The following GALNT17 variants were observed in gnomAD, a reference collection of about 807,000 sequenced individuals.
GALNT17 encodes polypeptide N-acetylgalactosaminyltransferase 17.
In GALNT17, 29 loss-of-function variants were observed where a neutral mutation model predicts 63.7. The observed-to-expected ratio is 0.46, with a 90% CI of 0.34 to 0.62. GALNT17 has a LOEUF of 0.62. Among genes scored for constraint, GALNT17 ranks in the 20% least tolerant of loss-of-function variants. GALNT17 has a pLI of 0.01. For synonymous variants in GALNT17, 305 were observed against 318.3 expected, an observed-to-expected ratio of 0.96 and a Z score of 0.45; for missense variants, 603 against 799.6, an observed-to-expected ratio of 0.75 and a Z score of 2.97.
chr7:71,392,557 A>G (rs907306897), intron 3 of GALNT17, among the ~76,000 whole-genome samples: 1 of 152,108 alleles, frequency 6.6e-6, no homozygotes, highest in East Asian at 1.9e-4. Flanking sequence ...TTGTGTGGGG[A>G]GCACACTTTG....
chr7:71,683,937 A>G (rs1338899407), intron 9 of GALNT17, among the ~76,000 whole-genome samples: 1 of 145,660 alleles, frequency 6.9e-6, no homozygotes, highest in Admixed American at 7.2e-5. Context: ...TGAACTCAGG[A>G]GGCGGAGGTT....
intron 9 of GALNT17, among the ~76,000 whole-genome samples, chr7:71,689,871 C>CT (rs1791415267): frequency 6.6e-6 from 1 of 152,144 alleles, no homozygotes; most frequent in African/African-American, 2.4e-5. Context: ...CAGCTGGTGA[C>CT]TTTAAGTTGA....
Position 71,659,695 on chromosome 7 carries a change from A to C in GALNT17, c.1081-5716A>C, listed in dbSNP as rs549881764. ...ATTCAAGGAGAGGGGAAATAGGTTCAGCCTTTTTATAGGAAGAGCAAATAA... is the reference window on the plus strand; with the variant it reads ...ATTCAAGGAGAGGGGAAATAGGTTCCGCCTTTTTATAGGAAGAGCAAATAA... On this transcript the variant is annotated intron_variant, in intron 6 of 10. Coordinates refer to ENST00000333538, the MANE Select transcript of GALNT17 (RefSeq NM_022479.3). Among the ~76,000 whole-genome samples, 6 of 152,356 alleles carry C rather than the reference A, an allele frequency of 3.9e-5. No homozygotes were observed. The South Asian group carries it at 1.2e-3, about 32-fold the overall frequency.
At chr7:71,483,286 C>T (rs1414229055) in intron 5 of GALNT17, among the ~76,000 whole-genome samples, 2 of 152,116 alleles carry the variant, frequency 1.3e-5, no homozygotes, top group African/African-American at 4.8e-5. Context: ...GCCTGGGCAG[C>T]GTGGCCAAAC....
intron 2 of GALNT17, among the ~76,000 whole-genome samples, chr7:71,377,909 C>A (rs1398879428): frequency 6.6e-6 from 1 of 152,170 alleles, no homozygotes; most frequent in African/African-American, 2.4e-5. Context: ...TTTCCTGAGG[C>A]CTTCCAAGCC....
chr7:71,469,766 A>C (rs1442368110), intron 5 of GALNT17, among the ~76,000 whole-genome samples: 1 of 152,234 alleles, frequency 6.6e-6, no homozygotes, highest in African/African-American at 2.4e-5. Flanking sequence ...CTTTAGGCTA[A>C]ACTTAATTGA....
chr7:71,232,665 T>C (rs1789814006), intron 1 of GALNT17, among the ~76,000 whole-genome samples: 3 of 152,190 alleles, frequency 2.0e-5, no homozygotes, highest in Admixed American at 2.0e-4. Context: ...TGACTGCTCC[T>C]GCAGAGCAGG....
intron 6 of GALNT17, among the ~76,000 whole-genome samples, chr7:71,648,596 A>T (rs1336242840): frequency 6.6e-6 from 1 of 151,588 alleles, no homozygotes; most frequent in Non-Finnish European, 1.5e-5. Flanking sequence ...AGTTGAAAAT[A>T]ATTTTTATTT....
chr7:71,321,157 A>C lies in GALNT17; in HGVS notation c.239-14393A>C, dbSNP rs528793638. Among the ~76,000 whole-genome samples the C allele has an allele frequency of 8.1e-4, 124 of 152,206 alleles. No individual in the cohort carries two copies. The Middle Eastern group carries it at 0.014, about 17-fold the overall frequency. On this transcript the variant is annotated intron_variant, in intron 1 of 10. Coordinates refer to ENST00000333538, the MANE Select transcript of GALNT17 (RefSeq NM_022479.3). ...AAATTTCTTAGGTCTTGGCAGGGAG[A>C]GTGCTTATTCAATTCAGCATATTTC... is the stretch of plus-strand genomic sequence containing the variant.
chr7:71,449,913 T>C (rs1363532945), intron 5 of GALNT17, among the ~76,000 whole-genome samples: 2 of 151,262 alleles, frequency 1.3e-5, no homozygotes, highest in South Asian at 2.1e-4. Context: ...TGGTGGCAGG[T>C]ACCTGTAATC....
chr7:71,558,259 C>A (rs2116847324), intron 5 of GALNT17, among the ~76,000 whole-genome samples: 1 of 151,998 alleles, frequency 6.6e-6, no homozygotes, highest in East Asian at 1.9e-4. Context: ...AAGTGCAAAA[C>A]CTGATTTCTA....
At chr7:71,213,444 A>G (rs1196549422) in intron 1 of GALNT17, among the ~76,000 whole-genome samples, 1 of 142,830 alleles carries the variant, frequency 7.0e-6, no homozygotes, top group Non-Finnish European at 1.6e-5. Context: ...TGTTTCATAG[A>G]TGTTTATGGT....
At chr7:71,379,857 A>C (rs1792812018) in intron 2 of GALNT17, among the ~76,000 whole-genome samples, 1 of 152,082 alleles carries the variant, frequency 6.6e-6, no homozygotes, top group Non-Finnish European at 1.5e-5. Flanking sequence ...GTAGACTTGC[A>C]TGAGGTCACC....
At chr7:71,309,503 C>T (rs995711968) in intron 1 of GALNT17, among the ~76,000 whole-genome samples, 11 of 152,100 alleles carry the variant, frequency 7.2e-5, no homozygotes, top group African/African-American at 2.4e-4. Context: ...ACCATGCCTT[C>T]GTCTGGGTTC....
intron 6 of GALNT17, among the ~76,000 whole-genome samples, chr7:71,653,346 AG>A (rs1422489053): frequency 2.6e-5 from 4 of 151,770 alleles, no homozygotes; most frequent in African/African-American, 9.7e-5. Context: ...AGAGAGGCAG[AG>A]GTTACAGGCA....
chr7:71,588,274 C>T (rs1447407531), intron 6 of GALNT17, among the ~76,000 whole-genome samples: 2 of 152,068 alleles, frequency 1.3e-5, no homozygotes, highest in Non-Finnish European at 2.9e-5. Context: ...TTCTTATTGA[C>T]ATCATTTCTT....
intron 9 of GALNT17, among the ~76,000 whole-genome samples, chr7:71,697,637 A>G (rs961458493): frequency 6.6e-6 from 1 of 152,204 alleles, no homozygotes; most frequent in African/African-American, 2.4e-5. Context: ...AGTGAGCATC[A>G]TCATACCAAA....
chr7:71,242,240 A>ATTTTTTTTTTTTTTTTT (rs763751556), intron 1 of GALNT17, among the ~76,000 whole-genome samples: 1 of 122,694 alleles, frequency 8.2e-6, no homozygotes, highest in Non-Finnish European at 1.7e-5. Context: ...TAGGGATCAC[A>ATTTTTTTTTTTTTTTTT]TTTCTTTTTT....
intron 1 of GALNT17, among the ~76,000 whole-genome samples, chr7:71,323,453 A>G (rs960555507): frequency 1.1e-4 from 16 of 152,188 alleles, no homozygotes; most frequent in African/African-American, 3.9e-4. Flanking sequence ...ATTTTACTCC[A>G]TTCTCTTCCA....
Sources: allele counts gnomAD v4.1 joint callset (sites outside exome capture counted in the v4.1 genomes callset), GRCh38; gene constraint gnomAD v4.1.1; transcripts MANE v1.5; gene names NCBI Gene and HGNC (gene_info 2026-07-23, HGNC 2026-07-21).